Variants in THRAP3 observed in about 807,000 individuals in gnomAD.
THRAP3 encodes the protein thyroid hormone receptor-associated protein 3.
In THRAP3, 16 loss-of-function variants were observed where a neutral mutation model predicts 101.0. That is an observed-to-expected ratio of 0.16 (90% CI 0.11 to 0.24). The LOEUF (loss-of-function observed/expected upper bound fraction) is 0.24, where lower values mean the gene tolerates loss of function less well. Among genes scored for constraint, THRAP3 ranks in the 10% least tolerant of loss-of-function variants. THRAP3 has a pLI of 1.00. For missense variants in THRAP3, 989 were observed against 1,202.7 expected (o/e 0.82, Z 2.63); for synonymous variants, 407 against 422.6 (o/e 0.96, Z 0.45).
chr1:36,243,466 C>T (rs1645188912), intron 1 of THRAP3, among the ~76,000 whole-genome samples: 2 of 152,088 alleles, frequency 1.3e-5, no homozygotes, highest in African/African-American at 4.8e-5. Context: ...TTAATCCATT[C>T]AACCCTGAGT....
rs532301363 is a variant in THRAP3 at position 36,270,571 on chromosome 1, G to GTTTTTTTTTTTTTTTTTT, written c.-32+11092_-32+11093insTTTTTTTTTTTTTTTTTT. ...TAAAAATACAGTTCTATTTGTTTAG[G>GTTTTTTTTTTTTTTTTTT]TTTTTGTTTTTTTTTTTTTTTTTGA... On this transcript the variant is annotated intron_variant, in intron 2 of 11. Coordinates refer to ENST00000354618, the MANE Select transcript of THRAP3 (RefSeq NM_005119.4). Among the ~76,000 whole-genome samples the GTTTTTTTTTTTTTTTTTT allele has an allele frequency of 6.3e-5, 2 of 31,870 alleles. 1 individual carries two copies. 20.9% of individuals were successfully genotyped at this position (31,870 alleles called of 152,430 possible). A position where few individuals can be genotyped will look rare whatever the true frequency, so the allele number is the denominator to read the frequency against.
intron 1 of THRAP3, among the ~76,000 whole-genome samples, chr1:36,226,374 T>C (rs755100203): frequency 2.0e-5 from 3 of 152,132 alleles, no homozygotes; most frequent in Non-Finnish European, 4.4e-5. Flanking sequence ...ATTCTCCTGC[T>C]TCTGCCTCCT....
intron 1 of THRAP3, among the ~76,000 whole-genome samples, chr1:36,226,840 G>A (rs1644967625): frequency 6.6e-6 from 1 of 152,178 alleles, no homozygotes; most frequent in Admixed American, 6.6e-5. Context: ...ATTAGGGTGT[G>A]ATGACAGATG....
rs1553121666 is a variant in THRAP3, at chr1:36,270,571, G to GGTTTTTTTTTTTTTTTTTT, written c.-32+11087_-32+11088insGTTTTTTTTTTTTTTTTTT. Among the ~76,000 whole-genome samples, 256 of 31,842 alleles carry GGTTTTTTTTTTTTTTTTTT rather than the reference G, an allele frequency of 8.0e-3. 15 individuals are homozygous for GGTTTTTTTTTTTTTTTTTT. Among genetic ancestry groups the GGTTTTTTTTTTTTTTTTTT allele is most frequent in the African/African-American group, 0.017 (241 of 14,150 alleles). The allele number at this position is 31,842 out of a possible 152,430, so 20.9% of individuals were successfully genotyped here. ...TAAAAATACAGTTCTATTTGTTTAG[G>GGTTTTTTTTTTTTTTTTTT]TTTTTGTTTTTTTTTTTTTTTTTGA... On this transcript the variant is annotated intron_variant, in intron 2 of 11. Transcript: ENST00000354618.
At chr1:36,297,245 TC>T (rs1443976921) in intron 9 of THRAP3, among the ~76,000 whole-genome samples, 1 of 152,170 alleles carries the variant, frequency 6.6e-6, no homozygotes, top group African/African-American at 2.4e-5. Context: ...AGAGAGGTGT[TC>T]CAGGTACTCC....
chr1:36,256,565 A>G (rs1207416177), intron 1 of THRAP3, among the ~76,000 whole-genome samples: 1 of 152,024 alleles, frequency 6.6e-6, no homozygotes, highest in Admixed American at 6.6e-5. Context: ...AATTTCTTCT[A>G]TTTGTGACCC....
chr1:36,238,744 T>C (rs1395479100), intron 1 of THRAP3, among the ~76,000 whole-genome samples: 2 of 152,088 alleles, frequency 1.3e-5, no homozygotes, highest in Non-Finnish European at 2.9e-5. Context: ...CTTATTTCAT[T>C]GCCCAGGCTG....
chr1:36,228,274 A>G (rs1286259953), intron 1 of THRAP3, among the ~76,000 whole-genome samples: 2 of 148,372 alleles, frequency 1.3e-5, no homozygotes, highest in Admixed American at 6.7e-5. Context: ...CTGGAGTGCA[A>G]TGGCATGGTC....
intron 8 of THRAP3, chr1:36,294,242 G>C: frequency 8.8e-7 from 1 of 1,135,898 alleles, no homozygotes; most frequent in Non-Finnish European, 1.1e-6. Context: ...TTTTCTGCTT[G>C]TAAGTATTAT....
At chr1:36,239,868 C>G (rs973911652) in intron 1 of THRAP3, among the ~76,000 whole-genome samples, 4 of 152,142 alleles carry the variant, frequency 2.6e-5, no homozygotes, top group Admixed American at 6.5e-5. Flanking sequence ...ATATGTATAA[C>G]ATAAAATTTT....
chr1:36,260,517 A>G (rs547667055), intron 2 of THRAP3, among the ~76,000 whole-genome samples: 130 of 152,208 alleles, frequency 8.5e-4, no homozygotes, highest in African/African-American at 3.0e-3. Context: ...ACCACCTCAC[A>G]TGCCAACATT....
At chr1:36,248,748 C>G (rs1458136603) in intron 1 of THRAP3, among the ~76,000 whole-genome samples, 1 of 152,040 alleles carries the variant, frequency 6.6e-6, no homozygotes, top group Non-Finnish European at 1.5e-5. Context: ...TGTGTCTTCA[C>G]TGTTGCCATG....
chr1:36,248,908 T>C lies in THRAP3; in HGVS notation c.-134-10474T>C, dbSNP rs111516877. ...CCCTATTCTTTTTCTTTCTTTCTTTTTTTTTTTTGGAGACAGTGTCTTGCT... is the reference window on the plus strand; with the variant it reads ...CCCTATTCTTTTTCTTTCTTTCTTTCTTTTTTTTGGAGACAGTGTCTTGCT... On this transcript the variant is annotated intron_variant, in intron 1 of 11. Coordinates refer to ENST00000354618, the MANE Select transcript of THRAP3 (RefSeq NM_005119.4). Among the ~76,000 whole-genome samples, 100 of 151,444 alleles carry C rather than the reference T, an allele frequency of 6.6e-4. 2 individuals are homozygous for C. The highest frequency in any genetic ancestry group is 2.2e-3 in the African/African-American group (91 of 41,444).
chr1:36,257,591 G>A (rs1055833172), intron 1 of THRAP3, among the ~76,000 whole-genome samples: 5 of 152,136 alleles, frequency 3.3e-5, no homozygotes, highest in African/African-American at 1.2e-4. Context: ...GTGGCAGGGG[G>A]TGACTCAGGG....
intron 1 of THRAP3, among the ~76,000 whole-genome samples, chr1:36,251,376 C>T (rs1205673049): frequency 1.3e-5 from 2 of 152,156 alleles, no homozygotes; most frequent in Non-Finnish European, 2.9e-5. Flanking sequence ...TCTGCACAGC[C>T]CGAGAGCATG....
At chr1:36,220,968 AAAAAAT>A (rs1322262685), upstream of THRAP3, among the ~76,000 whole-genome samples, 2 of 133,068 alleles carry the variant, frequency 1.5e-5, no homozygotes, top group African/African-American at 6.3e-5. Context: ...AAAAAAAAAA[AAAAAAT>A]ATATATATAT....
At chr1:36,297,510 G>T (rs1233705227) in intron 9 of THRAP3, among the ~76,000 whole-genome samples, 1 of 147,534 alleles carries the variant, frequency 6.8e-6, no homozygotes, top group African/African-American at 2.5e-5. Context: ...GTGCAGTGGC[G>T]CAATCTCAGC....
chr1:36,295,566 T>TTCCTTCC (rs1278597020), intron 8 of THRAP3, among the ~76,000 whole-genome samples: 1 of 150,740 alleles, frequency 6.6e-6, no homozygotes, highest in Non-Finnish European at 1.5e-5. Flanking sequence ...CCTTCCTTCC[T>TTCCTTCC]TCCTTCCTTC....
chr1:36,267,425 G>A (rs1282168794), intron 2 of THRAP3, among the ~76,000 whole-genome samples: 1 of 152,084 alleles, frequency 6.6e-6, no homozygotes, highest in Non-Finnish European at 1.5e-5. Flanking sequence ...AAAAAATAGA[G>A]GTAAAAACAC....
Sources: gnomAD v4.1 joint callset for allele counts (sites outside exome capture counted in the v4.1 genomes callset) on GRCh38, gnomAD v4.1.1 for gene constraint, MANE v1.5 for transcripts, NCBI Gene and HGNC (gene_info 2026-07-23, HGNC 2026-07-21) for gene names.